Variants in OVOL1 observed in about 807,000 individuals in gnomAD.
OVOL1 encodes the protein putative transcription factor Ovo-like 1.
In OVOL1, 10 loss-of-function variants were observed where a neutral mutation model predicts 21.5. The ratio of observed to expected loss-of-function variants is 0.46; its 90% confidence interval spans 0.29 to 0.79. OVOL1 has a LOEUF of 0.79. Ranked by LOEUF, OVOL1 falls within the 30% of genes least tolerant of loss-of-function variation. The pLI is 0.10. For synonymous variants in OVOL1, 129 were observed against 150.3 expected (o/e 0.86, Z 1.03); for missense variants, 279 against 362.3 (o/e 0.77, Z 1.87).
chr11:65,793,675 C>G, intron 1 of OVOL1: 1 of 341,268 alleles, frequency 2.9e-6, no homozygotes, highest in Non-Finnish European at 5.5e-6. Context: ...TCCACTGGTG[C>G]CCTTTGTCCC....
At chr11:65,791,480 A>G (rs1858016480) in intron 1 of OVOL1, among the ~76,000 whole-genome samples, 1 of 152,212 alleles carries the variant, frequency 6.6e-6, no homozygotes, top group Non-Finnish European at 1.5e-5. Flanking sequence ...AGCCAGGGAC[A>G]GGCCTCATGC....
At position 65,795,466 on chromosome 11, in the gene OVOL1, C is replaced by A; in HGVS notation, c.*125C>A. 1.1e-6 allele frequency: 1 copy of A among 900,706 alleles called. No individual in the cohort carries two copies. Among genetic ancestry groups the A allele is most frequent in the East Asian group, 2.7e-5 (1 of 37,706 alleles). 55.8% of individuals were successfully genotyped at this position (900,706 alleles called of 1,614,324 possible). A position where few individuals can be genotyped will look rare whatever the true frequency, so the allele number is the denominator to read the frequency against. On this transcript the variant is annotated 3_prime_UTR_variant, in exon 4 of 4. Coordinates refer to ENST00000335987, the MANE Select transcript of OVOL1 (RefSeq NM_004561.4). This position sits in a 1 kb window ranked among gnomAD's most constrained non-coding sequence, Gnocchi z 5.7. ...ACACCAGTGATCAGGACTGGAGCCCCCGTGCCTTGGTCTCCCCCCTGGGCA... is the reference window on the plus strand; with the variant it reads ...ACACCAGTGATCAGGACTGGAGCCCACGTGCCTTGGTCTCCCCCCTGGGCA...
intron 1 of OVOL1, chr11:65,789,164 C>T (rs1857959242): frequency 1.4e-6 from 1 of 714,306 alleles, no homozygotes; most frequent in South Asian, 6.2e-5. Flanking sequence ...AAAGAAATTC[C>T]GTTGGTTGAA....
At chr11:65,793,009 T>G (rs1398376798) in intron 1 of OVOL1, among the ~76,000 whole-genome samples, 1 of 152,228 alleles carries the variant, frequency 6.6e-6, no homozygotes, top group Non-Finnish European at 1.5e-5. Context: ...ATCCTTTTGG[T>G]CATAGGCCCC....
At chr11:65,789,533 G>A (rs373724780) in intron 1 of OVOL1, 235 of 294,614 alleles carry the variant, frequency 8.0e-4, no homozygotes, top group African/African-American at 5.0e-3. Context: ...TTTTGGCAAT[G>A]AGAAAGGGAC....
chr11:65,794,570 G>A lies in OVOL1; in HGVS notation c.351G>A (p.Leu117=), dbSNP rs1292180309. The A allele has an allele frequency of 1.2e-5, 20 of 1,613,436 alleles. No individual in the cohort carries two copies. The highest frequency in any genetic ancestry group is 1.7e-5 in the Non-Finnish European group (20 of 1,180,038). Residue 117 remains leucine (L), a synonymous_variant, in exon 3 of 4, where the codon CTG becomes CTA. Transcript: ENST00000335987. ...TTGGGGACAGTCCCAGTGGAGACCT[G>A]TTCACCTGCCGTGTCTGCCAGAAGG... ...VTLGDSPSGD[L]FTCRVCQKAF... is the part of the protein sequence containing the mutation.
In OVOL1 at chr11:65,794,101, C is replaced by T. The variant is rs546254917; in HGVS notation, c.171C>T (p.Cys57=). Residue 57 remains cysteine (C), a synonymous_variant, in exon 2 of 4, where the codon TGC becomes TGT. Transcript: ENST00000335987. The part of the protein sequence containing the change: ...PEPSVAEPPS[C]PLALNMSLRD... ...CCTCTGTGGCCGAACCCCCTTCCTG[C>T]CCGCTGGCTTTGAACATGAGCCTTC... The T allele has an allele frequency of 1.2e-6, 2 of 1,614,030 alleles. No homozygotes were observed. Among genetic ancestry groups the T allele is most frequent in the Non-Finnish European group, 1.7e-6 (2 of 1,180,036 alleles).
rs1413759768 is a variant in OVOL1 at position 65,795,870 on chromosome 11, C to T, written c.*529C>T. 4 of 179,162 alleles carry T rather than the reference C, an allele frequency of 2.2e-5. No homozygotes were observed. The highest frequency in any genetic ancestry group is 4.7e-5 in the African/African-American group (2 of 42,590). 11.1% of individuals were successfully genotyped at this position (179,162 alleles called of 1,614,324 possible). A position where few individuals can be genotyped will look rare whatever the true frequency, so the allele number is the denominator to read the frequency against. On this transcript the variant is annotated 3_prime_UTR_variant, in exon 4 of 4. Transcript: ENST00000335987. The surrounding 1 kb of genome is among the most constrained non-coding windows in gnomAD (Gnocchi z 5.7). The stretch of plus-strand genomic sequence containing the variant: ...GCTCAGGGTTCTGGAGGGCTCTGTC[C>T]TTCCGGCAAGGAGAGGCACACATGT...
At chr11:65,790,477 C>G (rs1857992944) in intron 1 of OVOL1, 2 of 152,300 alleles carry the variant, frequency 1.3e-5, no homozygotes, top group Admixed American at 1.3e-4. Flanking sequence ...TCCAGCCTGG[C>G]TCTACCACTA....
intron 1 of OVOL1, among the ~76,000 whole-genome samples, chr11:65,791,959 G>A (rs1396838573): frequency 6.6e-6 from 1 of 152,262 alleles, no homozygotes; most frequent in Non-Finnish European, 1.5e-5. Flanking sequence ...GAAGGGACAC[G>A]CTCATGGGGG....
At chr11:65,794,797 A>C (rs1858096669) in intron 3 of OVOL1, 70 bp downstream of exon 3, 1 of 1,475,674 alleles carries the variant, frequency 6.8e-7, no homozygotes, top group Non-Finnish European at 9.4e-7. Context: ...GGAAAAGTCC[A>C]GCACCCCCTG....
chr11:65,795,159 C>T lies in OVOL1; in HGVS notation c.622C>T (p.Arg208Trp), dbSNP rs751500516. The change falls in exon 4 of 4, where the codon CGG becomes TGG. Residue 208 changes from arginine (R) to tryptophan (W), a missense_variant. By Grantham distance (101) the Arg-to-Trp change is moderately radical. Transcript: ENST00000335987. The surrounding 1 kb of genome is among the most constrained non-coding windows in gnomAD (Gnocchi z 5.7). ...GVQQKYAYKERRAKLYVCEEC... is the reference protein window; with the variant it reads ...GVQQKYAYKEWRAKLYVCEEC... ...GCAGCAGAAGTACGCGTACAAGGAG[C>T]GGCGGGCCAAGCTGTACGTGTGTGA... 11 of 1,613,248 alleles carry T rather than the reference C, an allele frequency of 6.8e-6. No homozygotes were observed. Among genetic ancestry groups the T allele is most frequent in the Admixed American group, 6.7e-5 (4 of 60,004 alleles).
At position 65,795,212 on chromosome 11, in the gene OVOL1, G is replaced by A. The variant is rs1236572641; in HGVS notation, c.675G>A (p.Gln225=). The A allele has an allele frequency of 1.2e-6, 2 of 1,613,522 alleles. No individual in the cohort carries two copies. The highest frequency in any genetic ancestry group is 1.7e-6 in the Non-Finnish European group (2 of 1,180,024). The part of the protein sequence containing the change: ...CEECGCTSES[Q]EGHVLHLKEH... The stretch of plus-strand genomic sequence containing the variant: ...AGTGCGGCTGCACATCTGAGAGCCA[G>A]GAGGGCCACGTCCTGCACCTGAAGG... Residue 225 remains glutamine (Q), a synonymous_variant, in exon 4 of 4, where the codon CAG becomes CAA. Transcript: ENST00000335987. The surrounding 1 kb of genome is among the most constrained non-coding windows in gnomAD (Gnocchi z 5.7).
chr11:65,795,914 G>A lies in OVOL1; in HGVS notation c.*573G>A, dbSNP rs1858123735. 5.9e-6 allele frequency: 1 copy of A among 168,660 alleles called. No individual in the cohort carries two copies. Among genetic ancestry groups the A allele is most frequent in the Non-Finnish European group, 1.3e-5 (1 of 75,996 alleles). The allele number at this position is 168,660 out of a possible 1,614,324, so 10.4% of individuals were successfully genotyped here. A position where few individuals can be genotyped will look rare whatever the true frequency, so the allele number is the denominator to read the frequency against. On this transcript the variant is annotated 3_prime_UTR_variant, in exon 4 of 4. Coordinates refer to ENST00000335987, the MANE Select transcript of OVOL1 (RefSeq NM_004561.4). The surrounding 1 kb of genome is among the most constrained non-coding windows in gnomAD (Gnocchi z 5.7). ...CACATGTGTGCCCAGCCGTGTGTGT[G>A]CGTGTGCTTGTGTGTGTGCACTGCT... is the stretch of plus-strand genomic sequence containing the variant.
rs1370443208 is a variant in OVOL1 at position 65,794,596 on chromosome 11, C to T, written c.377C>T (p.Ala126Val). 8.7e-6 allele frequency: 14 copies of T among 1,613,384 alleles called. No individual in the cohort carries two copies. Among genetic ancestry groups the T allele is most frequent in the Non-Finnish European group, 1.2e-5 (14 of 1,180,030 alleles). Residue 126 changes from alanine to valine, a missense_variant, in exon 3 of 4, where the codon GCC becomes GTC. Ala to Val is a moderately conservative substitution (Grantham distance 64, BLOSUM62 0). Coordinates refer to ENST00000335987, the MANE Select transcript of OVOL1 (RefSeq NM_004561.4). Reference sequence around the variant, plus strand: ...TTCACCTGCCGTGTCTGCCAGAAGGCCTTCACCTACCAGCGCATGCTGAAC... The same window carrying T: ...TTCACCTGCCGTGTCTGCCAGAAGGTCTTCACCTACCAGCGCATGCTGAAC... ...DLFTCRVCQK[A>V]FTYQRMLNRH...
At chr11:65,793,886 CG>C in intron 1 of OVOL1, 144 bp from the exon 2 acceptor site, 1 of 639,952 alleles carries the variant, frequency 1.6e-6, no homozygotes. Context: ...CAGTGGTGGT[CG>C]GGGCAGCCCC....
In OVOL1 at chr11:65,795,265, G is replaced by A. The variant is rs751245642; in HGVS notation, c.728G>A (p.Arg243His). ...CACCACCCTGACAGCCCGCTGCTGCGCAAGACCTCCAAGAAGGTGGCCGTG... is the reference window on the plus strand; with the variant it reads ...CACCACCCTGACAGCCCGCTGCTGCACAAGACCTCCAAGAAGGTGGCCGTG... ...KEHHPDSPLL[R>H]KTSKKVAVAL... The change falls in exon 4 of 4, where the codon CGC (arginine) becomes CAC (histidine). Residue 243 changes from arginine to histidine, a missense_variant. Arg to His is a conservative substitution (Grantham distance 29). Transcript: ENST00000335987. The surrounding 1 kb of genome is among the most constrained non-coding windows in gnomAD (Gnocchi z 5.7). The A allele has an allele frequency of 3.0e-5, 49 of 1,613,344 alleles. No homozygotes were observed. The highest frequency in any genetic ancestry group is 5.3e-5 in the African/African-American group (4 of 74,928).
intron 1 of OVOL1, chr11:65,789,003 G>C (rs1857956839): frequency 1.0e-6 from 1 of 985,498 alleles, no homozygotes; most frequent in Non-Finnish European, 1.2e-6. Context: ...TGTTTGACTT[G>C]CTGCTTAGCT....
Position 65,795,368 on chromosome 11 carries a change from G to A in OVOL1, c.*27G>A. ...TGGCTCGAGCCCTGGGGGTGCTCCTGGAAGCCCCAAGAGCATCCAGGATTG... is the reference window on the plus strand; with the variant it reads ...TGGCTCGAGCCCTGGGGGTGCTCCTAGAAGCCCCAAGAGCATCCAGGATTG... On this transcript the variant is annotated 3_prime_UTR_variant, in exon 4 of 4. Coordinates refer to ENST00000335987, the MANE Select transcript of OVOL1 (RefSeq NM_004561.4). This position sits in a 1 kb window ranked among gnomAD's most constrained non-coding sequence, Gnocchi z 5.7. 6.5e-7 allele frequency: 1 copy of A among 1,548,422 alleles called. No individual in the cohort carries two copies. Among genetic ancestry groups the A allele is most frequent in the Non-Finnish European group, 8.7e-7 (1 of 1,150,696 alleles).
Sources: gnomAD v4.1 joint callset for allele counts (sites outside exome capture counted in the v4.1 genomes callset) on GRCh38, gnomAD v4.1.1 for gene constraint, Gnocchi (gnomAD v3.1) non-coding constraint, MANE v1.5 for transcripts, NCBI Gene and HGNC (gene_info 2026-07-23, HGNC 2026-07-21) for gene names.